RGS3: variants seen among roughly 807,000 people sequenced by gnomAD.
RGS3 encodes regulator of G-protein signalling 3.
Under a neutral mutation model 132.6 loss-of-function variants are expected in RGS3, and 80 were observed. The observed-to-expected ratio is 0.60, with a 90% CI of 0.50 to 0.73. The LOEUF (loss-of-function observed/expected upper bound fraction) is 0.73, where lower values mean the gene tolerates loss of function less well. Ranked by LOEUF, RGS3 falls within the 30% of genes least tolerant of loss-of-function variation. The pLI, the probability that RGS3 is intolerant of heterozygous loss-of-function variation, is 0.00. For missense variants in RGS3, 1,382 were observed against 1,530.8 expected (o/e 0.90, Z 1.62); for synonymous variants, 598 against 620.6 (o/e 0.96, Z 0.54).
intron 19 of RGS3, among the ~76,000 whole-genome samples, chr9:113,573,634 C>A (rs557871699): frequency 6.6e-6 from 1 of 152,234 alleles, no homozygotes; most frequent in Non-Finnish European, 1.5e-5. Context: ...AGAAGCCACA[C>A]GCTTCTAGCT....
At chr9:113,559,664 G>T (rs1833712218) in intron 19 of RGS3, among the ~76,000 whole-genome samples, 1 of 152,218 alleles carries the variant, frequency 6.6e-6, no homozygotes, top group Non-Finnish European at 1.5e-5. Flanking sequence ...AAGAGCATGG[G>T]CCTGGGAGCC....
chr9:113,539,639 C>T (rs1003718601), intron 19 of RGS3, among the ~76,000 whole-genome samples: 1 of 152,294 alleles, frequency 6.6e-6, no homozygotes, highest in East Asian at 1.9e-4. Flanking sequence ...ACCCCCACCC[C>T]ACCCCTGCAC....
intron 20 of RGS3, among the ~76,000 whole-genome samples, chr9:113,588,301 C>T (rs372061951): frequency 3.3e-5 from 5 of 152,240 alleles, no homozygotes; most frequent in Non-Finnish European, 7.3e-5. Context: ...AGAATTATTT[C>T]GGATGTGTAA....
chr9:113,528,106 A>G (rs1181197520), intron 17 of RGS3, among the ~76,000 whole-genome samples: 2 of 152,206 alleles, frequency 1.3e-5, no homozygotes, highest in East Asian at 3.8e-4. Flanking sequence ...AGGGTCAAGC[A>G]TATCCATGGG....
chr9:113,544,773 G>C (rs1833041105), intron 19 of RGS3, among the ~76,000 whole-genome samples: 1 of 152,222 alleles, frequency 6.6e-6, no homozygotes, highest in African/African-American at 2.4e-5. Flanking sequence ...GGCCAAGCTT[G>C]CCCTCAAGCC....
intron 19 of RGS3, among the ~76,000 whole-genome samples, chr9:113,553,459 A>AAAAATATATATAT (rs1426114805): frequency 1.5e-4 from 9 of 58,690 alleles, no homozygotes; most frequent in Admixed American, 5.5e-4. Flanking sequence ...AAAAAAAAAA[A>AAAAATATATATAT]ATATATATAT....
intron 19 of RGS3, among the ~76,000 whole-genome samples, chr9:113,567,418 T>C (rs1233315870): frequency 6.6e-6 from 1 of 152,186 alleles, no homozygotes; most frequent in Admixed American, 6.5e-5. Context: ...TGGGGCATGG[T>C]TGGAGAGGGG....
At chr9:113,581,029 G>T in intron 19 of RGS3, 2 of 944,670 alleles carry the variant, frequency 2.1e-6, no homozygotes, top group Non-Finnish European at 2.5e-6. Context: ...CCAGGGGGTG[G>T]GTCGGGGGGA....
chr9:113,484,967 TCTTTTCAGACCTTTTAAGGTC>T (rs1010907140), intron 6 of RGS3, among the ~76,000 whole-genome samples: 26 of 152,226 alleles, frequency 1.7e-4, no homozygotes, highest in African/African-American at 5.5e-4. Context: ...CTACTGTATT[TCTTTTCAGACCTTTTAAGGTC>T]CTTTTCAGAC....
In RGS3 at chr9:113,550,793, G is replaced by A. The variant is rs547913645; in HGVS notation, c.2037+13875G>A. On this transcript the variant is annotated intron_variant, in intron 19 of 24. Transcript: ENST00000350696. ...CCTCTTTTGGGAATAGCCTGTTCAA[G>A]TCTTTTGCTCATTTTTCTATTGGGA... Among the ~76,000 whole-genome samples the A allele has an allele frequency of 1.4e-4, 21 of 152,236 alleles. No individual in the cohort carries two copies. The South Asian group carries it at 1.5e-3, about 11-fold the overall frequency.
chr9:113,479,118 C>A, intron 3 of RGS3: 1 of 204,872 alleles, frequency 4.9e-6, no homozygotes, highest in Non-Finnish European at 9.9e-6. Context: ...CAGAAATTAC[C>A]CTCCATTTTC....
intron 19 of RGS3, chr9:113,582,850 TGGACAATATTTTAA>T: frequency 6.4e-6 from 1 of 155,816 alleles, no homozygotes; most frequent in Non-Finnish European, 1.4e-5. Flanking sequence ...AGTCCAGGTG[TGGACAATATTTTAA>T]AGTTCCGGTT....
intron 17 of RGS3, 151 bp from the exon 16 acceptor site, chr9:113,529,070 A>G: frequency 1.5e-6 from 1 of 682,074 alleles, no homozygotes; most frequent in South Asian, 1.7e-5. Flanking sequence ...ATTTTCCTCC[A>G]GAGACTTCCC....
intron 7 of RGS3, among the ~76,000 whole-genome samples, chr9:113,492,258 G>A (rs746221163): frequency 2.6e-5 from 4 of 152,130 alleles, no homozygotes; most frequent in Admixed American, 2.0e-4. Flanking sequence ...GCTGCATGAA[G>A]TTACTTCAAA....
intron 19 of RGS3, among the ~76,000 whole-genome samples, chr9:113,563,664 G>C (rs1833880603): frequency 6.6e-6 from 1 of 152,188 alleles, no homozygotes; most frequent in Non-Finnish European, 1.5e-5. Context: ...GGACTGCCTT[G>C]GTTCTGCCCC....
At chr9:113,505,579 T>C in intron 11 of RGS3, 56 bp downstream of exon 9, 1 of 1,395,178 alleles carries the variant, frequency 7.2e-7, no homozygotes. Context: ...ATGTGGGCTT[T>C]GCAAACATAG....
intron 19 of RGS3, among the ~76,000 whole-genome samples, chr9:113,566,167 G>T (rs1053364390): frequency 3.3e-5 from 5 of 152,186 alleles, no homozygotes; most frequent in Non-Finnish European, 7.4e-5. Flanking sequence ...AGTTTCACTG[G>T]CAGGGGAAGA....
exon 25 of RGS3, chr9:113,597,051 C>T: frequency 3.7e-6 from 4 of 1,078,426 alleles, no homozygotes; most frequent in Non-Finnish European, 5.3e-6. Context: ...AAGCAAGCCC[C>T]CAGAGGCTGT....
Position 113,463,862 on chromosome 9 carries a change from C to A in RGS3, c.415+1661C>A, listed in dbSNP as rs1215779351. 1.2e-6 allele frequency: 2 copies of A among 1,613,228 alleles called. No homozygotes were observed. Among genetic ancestry groups the A allele is most frequent in the South Asian group, 2.2e-5 (2 of 91,010 alleles). On this transcript the variant is annotated intron_variant, in intron 3 of 24. Transcript: ENST00000350696. This position sits in a 1 kb window ranked among gnomAD's most constrained non-coding sequence, Gnocchi z 4.6. ...GCCGGCGTGCCCACCCGGACTTGTC[C>A]TTCTACCTCACCACCTTTGGTAAGT... is the stretch of plus-strand genomic sequence containing the variant.
Sources: gnomAD v4.1 joint callset for allele counts (sites outside exome capture counted in the v4.1 genomes callset) on GRCh38, gnomAD v4.1.1 for gene constraint, Gnocchi (gnomAD v3.1) non-coding constraint, MANE v1.5 for transcripts, NCBI Gene and HGNC (gene_info 2026-07-23, HGNC 2026-07-21) for gene names.